PMFBP1: variants seen among roughly 807,000 people sequenced by gnomAD.
PMFBP1 encodes the protein polyamine-modulated factor 1-binding protein 1.
PMFBP1 carries 131 observed loss-of-function variants against 137.8 expected under a neutral mutation model. That is an observed-to-expected ratio of 0.95 (90% CI 0.82 to 1.10). PMFBP1 has a LOEUF of 1.10. PMFBP1 is among the 50% of genes least tolerant of loss of function. The probability of loss-of-function intolerance (pLI) is 0.00; values close to 1 mark genes in which losing one functional copy is unlikely to be tolerated. For synonymous variants in PMFBP1, 490 were observed against 450.4 expected (o/e 1.09, Z -1.11); for missense variants, 1,199 against 1,175.4 (o/e 1.02, Z -0.29).
At chr16:72,229,501 A>T in the PMFBP1 span, among the ~76,000 whole-genome samples, 3 of 151,886 alleles carry the variant, frequency 2.0e-5, no homozygotes, top group East Asian at 5.8e-4. Context: ...TTTCTCCACA[A>T]CCTCACCAAT....
chr16:72,201,019 G>A, the PMFBP1 span, among the ~76,000 whole-genome samples: 1 of 152,140 alleles, frequency 6.6e-6, no homozygotes, highest in Non-Finnish European at 1.5e-5. Flanking sequence ...TCCACTTAAT[G>A]TTTCCCCATT....
chr16:72,239,236 T>G, the PMFBP1 span, among the ~76,000 whole-genome samples: 2 of 152,150 alleles, frequency 1.3e-5, no homozygotes, highest in Non-Finnish European at 2.9e-5. Context: ...ATTCTTCAAT[T>G]TTTTCTTCCT....
At position 72,120,001 on chromosome 16, in the gene PMFBP1, T is replaced by G; in HGVS notation, c.2857A>C (p.Thr953Pro). 2 of 1,614,136 alleles carry G rather than the reference T, an allele frequency of 1.2e-6. No individual in the cohort carries two copies. Among genetic ancestry groups the G allele is most frequent in the Non-Finnish European group, 8.5e-7 (1 of 1,180,016 alleles). ...IEEKKMKAEN[T>P]RLCTKALGPS... is the part of the protein sequence containing the mutation. ...CCTAGGGCTTTGGTGCATAGCCTTG[T>G]GTTCTCGGCTTTCATCTTCTTCTCT... Residue 953 changes from threonine to proline, a missense_variant, in exon 20 of 21, where the codon ACA becomes CCA. Coordinates refer to ENST00000237353, the MANE Select transcript of PMFBP1 (RefSeq NM_031293.3).
At chr16:72,181,243 A>AT (rs1196936406), upstream of PMFBP1, among the ~76,000 whole-genome samples, 21 of 149,454 alleles carry the variant, frequency 1.4e-4, no homozygotes, top group African/African-American at 4.7e-4. Context: ...ATCTCAAAAA[A>AT]AAAAAAATAA....
chr16:72,118,294 A>T (rs1467211639), downstream of PMFBP1, among the ~76,000 whole-genome samples: 1 of 152,188 alleles, frequency 6.6e-6, no homozygotes, highest in African/African-American at 2.4e-5. Flanking sequence ...AAGAGCTTAA[A>T]CAGACAACAA....
chr16:72,138,187 C>T (rs1264678426), intron 7 of PMFBP1, among the ~76,000 whole-genome samples: 6 of 152,102 alleles, frequency 3.9e-5, no homozygotes, highest in Non-Finnish European at 1.5e-5. Flanking sequence ...TGACAGATGT[C>T]CAAGGAAGAA....
In PMFBP1 at chr16:72,154,068, G is replaced by C. The variant is rs1445665298; in HGVS notation, c.414+143C>G. 7.0e-6 allele frequency: 8 copies of C among 1,135,616 alleles called. No individual in the cohort carries two copies. In the Admixed American group the frequency reaches 1.9e-4, roughly 26 times the overall value. The allele number at this position is 1,135,616 out of a possible 1,614,324, so 70.3% of individuals were successfully genotyped here. On this transcript the variant is annotated intron_variant, in intron 4 of 20. Transcript: ENST00000237353. ...TTCTGCTCAGCTTCAAAAAGATCAA[G>C]AATTAAAGGGGGAAGGTTTATAAAA... is the stretch of plus-strand genomic sequence containing the variant.
chr16:72,209,150 C>T, the PMFBP1 span, among the ~76,000 whole-genome samples: 1 of 152,222 alleles, frequency 6.6e-6, no homozygotes. Flanking sequence ...CACTTAGTCT[C>T]TTAAAGAAGA....
chr16:72,162,760 C>T (rs2043083380), intron 3 of PMFBP1, among the ~76,000 whole-genome samples: 1 of 152,234 alleles, frequency 6.6e-6, no homozygotes, highest in African/African-American at 2.4e-5. Flanking sequence ...ATACCTTTCT[C>T]CTTCCAAGTT....
chr16:72,142,009 GAAAA>G (rs5817801), intron 5 of PMFBP1, among the ~76,000 whole-genome samples: 5 of 135,606 alleles, frequency 3.7e-5, no homozygotes, highest in Admixed American at 7.6e-5. Flanking sequence ...TATACATCGT[GAAAA>G]AAAAAAAAAA....
At chr16:72,131,311 A>G (rs1160097754) in intron 10 of PMFBP1, among the ~76,000 whole-genome samples, 1 of 152,134 alleles carries the variant, frequency 6.6e-6, no homozygotes, top group Admixed American at 6.6e-5. Context: ...GATAGAGTTG[A>G]GTAAGTGGAT....
At chr16:72,194,638 A>G in the PMFBP1 span, among the ~76,000 whole-genome samples, 5 of 152,188 alleles carry the variant, frequency 3.3e-5, no homozygotes, top group Non-Finnish European at 4.4e-5. Flanking sequence ...CTCGTGGTCA[A>G]TAGTATTAAA....
the PMFBP1 span, among the ~76,000 whole-genome samples, chr16:72,238,789 T>A: frequency 1.3e-5 from 2 of 152,172 alleles, no homozygotes; most frequent in Non-Finnish European, 2.9e-5. Context: ...TCTAGTCTAG[T>A]GGTTTTCAAC....
chr16:72,236,042 G>A, the PMFBP1 span, among the ~76,000 whole-genome samples: 2 of 152,140 alleles, frequency 1.3e-5, no homozygotes, highest in Non-Finnish European at 2.9e-5. Flanking sequence ...TAGAAATGAT[G>A]AGAGTAGATG....
chr16:72,123,422 G>A (rs2042406313), intron 18 of PMFBP1, 124 bp downstream of exon 18: 1 of 787,940 alleles, frequency 1.3e-6, no homozygotes, highest in African/African-American at 1.7e-5. Context: ...CCTTGGGTGT[G>A]GGCTGAGACT....
At chr16:72,179,767 G>A (rs1452587393), upstream of PMFBP1, among the ~76,000 whole-genome samples, 1 of 152,206 alleles carries the variant, frequency 6.6e-6, no homozygotes, top group Non-Finnish European at 1.5e-5. Flanking sequence ...TATGATCGTT[G>A]CTATGGCCAT....
chr16:72,240,294 A>G, the PMFBP1 span, among the ~76,000 whole-genome samples: 2 of 152,282 alleles, frequency 1.3e-5, no homozygotes, highest in East Asian at 3.9e-4. Context: ...CAGAATCTCA[A>G]CGACTACATA....
At position 72,125,963 on chromosome 16, in the gene PMFBP1, C is replaced by T; in HGVS notation, c.2253+5G>A. The T allele has an allele frequency of 6.2e-7, 1 of 1,613,812 alleles. No homozygotes were observed. The highest frequency in any genetic ancestry group is 1.3e-5 in the African/African-American group (1 of 75,052). ...AGCCCTGGAGACTAGAGGGTGTGGC[C>T]TCACCTTCTCGAGGGCTTGTGTCAG... is the stretch of plus-strand genomic sequence containing the variant. On this transcript the variant is annotated splice_donor_5th_base_variant and intron_variant, in intron 15 of 20. Coordinates refer to ENST00000237353, the MANE Select transcript of PMFBP1 (RefSeq NM_031293.3).
At chr16:72,241,674 G>A in the PMFBP1 span, among the ~76,000 whole-genome samples, 1 of 152,158 alleles carries the variant, frequency 6.6e-6, no homozygotes, top group Non-Finnish European at 1.5e-5. Flanking sequence ...CATCTACTAA[G>A]TAACATCCCT....
Sources: gnomAD v4.1 joint callset for allele counts (sites outside exome capture counted in the v4.1 genomes callset) on GRCh38, gnomAD v4.1.1 for gene constraint, MANE v1.5 for transcripts, NCBI Gene and HGNC (gene_info 2026-07-23, HGNC 2026-07-21) for gene names.